Variants in PACRG observed in about 807,000 individuals in gnomAD.
PACRG encodes the protein parkin coregulated, also known as parkin coregulated gene protein.
A neutral mutation model predicts 29.7 loss-of-function variants in PACRG; 29 were observed. That is an observed-to-expected ratio of 0.98 (90% confidence interval 0.73 to 1.33). The LOEUF (loss-of-function observed/expected upper bound fraction) is 1.33. Among genes scored for constraint, PACRG ranks in the 40% most tolerant of loss-of-function variants. The pLI is 0.00. For synonymous variants in PACRG, 116 were observed against 118.7 expected (o/e 0.98, Z 0.15); for missense variants, 279 against 316.2 (o/e 0.88, Z 0.89).
At chr6:163,162,896 A>G (rs1036341148) in intron 4 of PACRG, among the ~76,000 whole-genome samples, 21 of 151,844 alleles carry the variant, frequency 1.4e-4, no homozygotes, top group African/African-American at 5.1e-4. Flanking sequence ...TTTCGGTAGC[A>G]CAGTAGGGTT....
chr6:162,799,195 CA>C (rs1222136482), intron 1 of PACRG, among the ~76,000 whole-genome samples: 1 of 151,538 alleles, frequency 6.6e-6, no homozygotes, highest in East Asian at 1.9e-4. Flanking sequence ...GATTTTGGCT[CA>C]GGGAAAAAAA....
intron 2 of PACRG, among the ~76,000 whole-genome samples, chr6:162,931,141 T>C (rs529967269): frequency 4.6e-5 from 7 of 151,840 alleles, no homozygotes; most frequent in Non-Finnish European, 1.0e-4. Flanking sequence ...GAGTTTCTGT[T>C]TAATTGTTTT....
At chr6:162,803,928 A>G (rs1786093005) in intron 1 of PACRG, among the ~76,000 whole-genome samples, 3 of 152,202 alleles carry the variant, frequency 2.0e-5, no homozygotes, top group Non-Finnish European at 4.4e-5. Context: ...TATTTATACA[A>G]TGTAATTACA....
At chr6:163,300,334 G>A (rs1784941680) in intron 4 of PACRG, among the ~76,000 whole-genome samples, 1 of 152,232 alleles carries the variant, frequency 6.6e-6, no homozygotes, top group African/African-American at 2.4e-5. Flanking sequence ...AAGGGCCTAG[G>A]ACCATGGCGC....
chr6:162,833,927 T>A (rs1240250769), intron 2 of PACRG, among the ~76,000 whole-genome samples: 1 of 152,172 alleles, frequency 6.6e-6, no homozygotes, highest in East Asian at 1.9e-4. Context: ...TGGTAAGTGG[T>A]AAGTGCATTA....
chr6:162,776,107 A>G (rs1350252175), intron 1 of PACRG, among the ~76,000 whole-genome samples: 1 of 152,222 alleles, frequency 6.6e-6, no homozygotes, highest in Non-Finnish European at 1.5e-5. Flanking sequence ...TAACACTGTT[A>G]CATTGTCCCC....
In PACRG at chr6:163,062,374, A is replaced by G; in HGVS notation, c.463+53A>G. ...TCAGTTTATACGGTGTTGCTTTTTGACAACTTGCTAATTAAGCAATAAACC... is the reference window on the plus strand; with the variant it reads ...TCAGTTTATACGGTGTTGCTTTTTGGCAACTTGCTAATTAAGCAATAAACC... On this transcript the variant is annotated intron_variant, in intron 3 of 4. Transcript: ENST00000366888. The G allele has an allele frequency of 5.3e-6, 8 of 1,518,116 alleles. 1 individual carries two copies. In the South Asian group the frequency reaches 1.0e-4, roughly 20 times the overall value. 94.0% of individuals were successfully genotyped at this position (1,518,116 alleles called of 1,614,324 possible). A position where few individuals can be genotyped will look rare whatever the true frequency, so the allele number is the denominator to read the frequency against.
intron 2 of PACRG, among the ~76,000 whole-genome samples, chr6:162,869,381 C>T (rs1021284755): frequency 6.6e-5 from 10 of 152,132 alleles, no homozygotes; most frequent in African/African-American, 1.4e-4. Context: ...GTAGAGTCCA[C>T]GGTATATTAT....
chr6:163,308,222 A>G (rs1259958225), intron 4 of PACRG, among the ~76,000 whole-genome samples: 1 of 152,224 alleles, frequency 6.6e-6, no homozygotes, highest in African/African-American at 2.4e-5. Flanking sequence ...TTTTAGCAAT[A>G]TGTTATCTGT....
At chr6:163,297,386 A>G (rs2128188893) in intron 4 of PACRG, among the ~76,000 whole-genome samples, 1 of 152,354 alleles carries the variant, frequency 6.6e-6, no homozygotes, top group East Asian at 1.9e-4. Flanking sequence ...CTGAAGATAA[A>G]TAGCAGACTT....
At chr6:163,138,332 T>C (rs1279184192) in intron 4 of PACRG, among the ~76,000 whole-genome samples, 4 of 152,116 alleles carry the variant, frequency 2.6e-5, no homozygotes, top group Admixed American at 2.6e-4. Flanking sequence ...CATGGGGGCG[T>C]ATCTGCCACC....
intron 1 of PACRG, among the ~76,000 whole-genome samples, chr6:162,760,572 G>A (rs890255906): frequency 1.1e-4 from 17 of 152,168 alleles, no homozygotes; most frequent in Admixed American, 3.9e-4. Context: ...AGGCAAAGCC[G>A]ATGGGGGTGT....
intron 4 of PACRG, among the ~76,000 whole-genome samples, chr6:163,199,123 G>A (rs1780591852): frequency 6.6e-6 from 1 of 152,294 alleles, no homozygotes; most frequent in Middle Eastern, 3.4e-3. Flanking sequence ...TTTCCCTTGA[G>A]CTTAGTGATT....
intron 4 of PACRG, among the ~76,000 whole-genome samples, chr6:163,260,563 G>A (rs530926107): frequency 6.6e-6 from 1 of 152,276 alleles, no homozygotes; most frequent in Admixed American, 6.5e-5. Flanking sequence ...CCAATCCGTG[G>A]GCTCCCTTCA....
At chr6:163,116,831 T>C (rs139736620) in intron 4 of PACRG, among the ~76,000 whole-genome samples, 28 of 152,046 alleles carry the variant, frequency 1.8e-4, no homozygotes, top group Non-Finnish European at 3.8e-4. Flanking sequence ...GAAGCTTGGG[T>C]GTTAGGATGG....
intron 2 of PACRG, among the ~76,000 whole-genome samples, chr6:162,867,339 T>A (rs1354542486): frequency 1.3e-5 from 2 of 152,198 alleles, no homozygotes; most frequent in Admixed American, 1.3e-4. Flanking sequence ...TGGGACCTTC[T>A]TGGATATCTC....
intron 4 of PACRG, among the ~76,000 whole-genome samples, chr6:163,132,098 T>C (rs1816763542): frequency 6.6e-6 from 1 of 152,234 alleles, no homozygotes; most frequent in Non-Finnish European, 1.5e-5. Flanking sequence ...TAGCTTACTA[T>C]ATATTAATTT....
chr6:162,978,848 T>C (rs1002582821), intron 2 of PACRG, among the ~76,000 whole-genome samples: 1 of 152,144 alleles, frequency 6.6e-6, no homozygotes, highest in South Asian at 2.1e-4. Flanking sequence ...ACTAAGCAAT[T>C]TCCTCTAGAA....
intron 2 of PACRG, among the ~76,000 whole-genome samples, chr6:163,029,900 A>G (rs369934040): frequency 6.6e-6 from 1 of 152,212 alleles, no homozygotes; most frequent in African/African-American, 2.4e-5. Context: ...CTTGTTGGGC[A>G]TAGCTTTCAG....
Sources: gnomAD v4.1 joint callset for allele counts (sites outside exome capture counted in the v4.1 genomes callset) on GRCh38, gnomAD v4.1.1 for gene constraint, MANE v1.5 for transcripts, NCBI Gene and HGNC (gene_info 2026-07-23, HGNC 2026-07-21) for gene names.